SPATA13: variants seen among roughly 807,000 people sequenced by gnomAD.
SPATA13 encodes the protein spermatogenesis associated 13, also known as spermatogenesis-associated protein 13.
In SPATA13, 50 loss-of-function variants were observed where a neutral mutation model predicts 104.0. The observed-to-expected ratio is 0.48, with a 90% confidence interval of 0.38 to 0.61. SPATA13 has a LOEUF of 0.61. Ranked by LOEUF, SPATA13 falls within the 20% of genes least tolerant of loss-of-function variation. The probability of loss-of-function intolerance (pLI) is 0.00; values close to 1 mark genes in which losing one functional copy is unlikely to be tolerated. For synonymous variants in SPATA13, 606 were observed against 667.5 expected (o/e 0.91, Z 1.42); for missense variants, 1,524 against 1,690.6 (o/e 0.90, Z 1.73).
chr13:24,205,772 T>C lies in SPATA13; in HGVS notation c.-111-17047T>C, dbSNP rs747846519. On this transcript the variant is annotated intron_variant, in intron 1 of 12. Transcript: ENST00000382108. This position sits in a 1 kb window ranked among gnomAD's most constrained non-coding sequence, Gnocchi z 4.1. ...TGGAACAGAATAGAGAACCCAGAAA[T>C]AAGATCACACACCTACAACTATCTG... 2.0e-5 allele frequency among the ~76,000 whole-genome samples: 3 copies of C among 151,924 alleles called. No individual in the cohort carries two copies. Among genetic ancestry groups the C allele is most frequent in the Non-Finnish European group, 4.4e-5 (3 of 67,952 alleles).
At chr13:24,249,892 C>G in intron 3 of SPATA13, 50 bp downstream of exon 3, 2 of 1,536,428 alleles carry the variant, frequency 1.3e-6, no homozygotes, top group Non-Finnish European at 1.7e-6. Flanking sequence ...CTCCAGCTTC[C>G]TGCCTCTATT....
chr13:24,008,087 GT>G (rs959512351), intron 2 of SPATA13, among the ~76,000 whole-genome samples: 2 of 152,238 alleles, frequency 1.3e-5, no homozygotes, highest in Non-Finnish European at 2.9e-5. Context: ...CCAGGTGTGT[GT>G]CCCTGTGAAG....
intron 3 of SPATA13, among the ~76,000 whole-genome samples, chr13:24,069,893 G>T (rs975047993): frequency 6.6e-6 from 1 of 152,186 alleles, no homozygotes; most frequent in Non-Finnish European, 1.5e-5. Context: ...GACCCCAAAA[G>T]GTGACCAACA....
chr13:23,993,253 C>T (rs2137662358), intron 2 of SPATA13, among the ~76,000 whole-genome samples: 1 of 152,388 alleles, frequency 6.6e-6, no homozygotes, highest in South Asian at 2.1e-4. Flanking sequence ...CAGAGCATCG[C>T]TGATCAGCCC....
chr13:24,173,310 A>G (rs1883064000), intron 1 of SPATA13, among the ~76,000 whole-genome samples: 3 of 151,200 alleles, frequency 2.0e-5, no homozygotes, highest in Middle Eastern at 6.8e-3. Flanking sequence ...TGATTTTTAA[A>G]ATGTTTGGCT....
chr13:24,306,679 T>G lies in SPATA13; in HGVS notation c.*3906T>G, dbSNP rs941817925. 6.6e-6 allele frequency: 1 copy of G among 152,270 alleles called. No homozygotes were observed. Among genetic ancestry groups the G allele is most frequent in the Non-Finnish European group, 1.5e-5 (1 of 68,048 alleles). 9.4% of individuals were successfully genotyped at this position (152,270 alleles called of 1,614,324 possible). A position where few individuals can be genotyped will look rare whatever the true frequency, so the allele number is the denominator to read the frequency against. On this transcript the variant is annotated 3_prime_UTR_variant, in exon 13 of 13. Transcript: ENST00000382108. The stretch of plus-strand genomic sequence containing the variant: ...AATATTTGATACAAGTTTACTTAGC[T>G]ACAACATACTTTACATTGTTGCCTT...
At chr13:24,041,755 C>T (rs1021207585) in intron 3 of SPATA13, among the ~76,000 whole-genome samples, 5 of 152,094 alleles carry the variant, frequency 3.3e-5, no homozygotes, top group Admixed American at 2.0e-4. Context: ...TCACTCAACC[C>T]AGGAGAAGGT....
At chr13:24,196,464 A>C (rs1870062618) in intron 1 of SPATA13, among the ~76,000 whole-genome samples, 1 of 152,180 alleles carries the variant, frequency 6.6e-6, no homozygotes, top group Non-Finnish European at 1.5e-5. Flanking sequence ...AAATGTTCCA[A>C]TTTGTGTAGA....
At chr13:24,133,380 A>G (rs879478160) in intron 3 of SPATA13, among the ~76,000 whole-genome samples, 3 of 152,186 alleles carry the variant, frequency 2.0e-5, no homozygotes, top group Non-Finnish European at 2.9e-5. Context: ...AAATAAAGTT[A>G]TATTTCTCTG....
At chr13:24,289,274 T>C (rs1373185834) in intron 8 of SPATA13, 96 bp downstream of exon 8, 1 of 1,019,684 alleles carries the variant, frequency 9.8e-7, no homozygotes, top group Non-Finnish European at 1.4e-6. Context: ...TTTTATTGTT[T>C]GTTTGCTAGA....
intron 3 of SPATA13, among the ~76,000 whole-genome samples, chr13:24,027,820 A>G (rs181846583): frequency 6.6e-6 from 1 of 152,320 alleles, no homozygotes; most frequent in East Asian, 1.9e-4. Flanking sequence ...TTAGAAGAAC[A>G]CGTGGTGTAG....
chr13:24,038,470 A>G (rs1441638308), intron 3 of SPATA13, among the ~76,000 whole-genome samples: 2 of 152,172 alleles, frequency 1.3e-5, no homozygotes, highest in African/African-American at 2.4e-5. Context: ...AGCGGTTAGT[A>G]CCAGGGAAGC....
At position 24,278,405 on chromosome 13, in the gene SPATA13, T is replaced by C. The variant is rs551336103; in HGVS notation, c.2165-5730T>C. Among the ~76,000 whole-genome samples the C allele has an allele frequency of 1.1e-4, 16 of 152,312 alleles. No individual in the cohort carries two copies. In the East Asian group the frequency reaches 2.5e-3, roughly 24 times the overall value. ...GCTTAAATCAGTGCCTAGCACATTA[T>C]AGGCACCTGATAAAATAACATCTTG... is the stretch of plus-strand genomic sequence containing the variant. On this transcript the variant is annotated intron_variant, in intron 4 of 12. Coordinates refer to ENST00000382108, the MANE Select transcript of SPATA13 (RefSeq NM_001166271.3).
chr13:24,201,281 A>C (rs1870388977), intron 1 of SPATA13, among the ~76,000 whole-genome samples: 2 of 152,074 alleles, frequency 1.3e-5, no homozygotes, highest in South Asian at 4.2e-4. Flanking sequence ...TTAAGATAAT[A>C]GTCTATTTTT....
At chr13:24,297,321 G>A (rs1386073305) in intron 10 of SPATA13, 42 bp from the exon 11 acceptor site, 1 of 1,562,764 alleles carries the variant, frequency 6.4e-7, no homozygotes, top group South Asian at 1.2e-5. Context: ...CTACAGCTGT[G>A]GTAGAATTGG....
At chr13:24,044,638 T>C (rs1878064416) in intron 3 of SPATA13, among the ~76,000 whole-genome samples, 1 of 152,216 alleles carries the variant, frequency 6.6e-6, no homozygotes, top group Non-Finnish European at 1.5e-5. Flanking sequence ...AATTAGCATA[T>C]CCATCATCTC....
chr13:24,149,925 G>A (rs936006819), intron 3 of SPATA13, among the ~76,000 whole-genome samples: 14 of 152,120 alleles, frequency 9.2e-5, no homozygotes, highest in Admixed American at 6.5e-5. Context: ...AGATGGGAAG[G>A]CCTGCATCCA....
intron 3 of SPATA13, among the ~76,000 whole-genome samples, chr13:24,062,448 G>C (rs931134769): frequency 1.3e-5 from 2 of 152,188 alleles, no homozygotes; most frequent in African/African-American, 4.8e-5. Context: ...AGGGTGCACG[G>C]TGCTGGGAGC....
chr13:24,212,743 T>C (rs1396527954), intron 1 of SPATA13, among the ~76,000 whole-genome samples: 2 of 152,128 alleles, frequency 1.3e-5, no homozygotes, highest in East Asian at 1.9e-4. Flanking sequence ...TTGCCAGATA[T>C]TGAAAAAAAG....
Sources: allele counts gnomAD v4.1 joint callset (sites outside exome capture counted in the v4.1 genomes callset), GRCh38; gene constraint gnomAD v4.1.1; non-coding constraint Gnocchi (gnomAD v3.1); transcripts MANE v1.5; gene names NCBI Gene and HGNC (gene_info 2026-07-23, HGNC 2026-07-21).